CRYBG3: variants seen among roughly 807,000 people sequenced by gnomAD.
CRYBG3 encodes the protein very large A-kinase anchor protein.
In CRYBG3, 127 loss-of-function variants were observed where a neutral mutation model predicts 244.2. That is an observed-to-expected ratio of 0.52 (90% confidence interval 0.45 to 0.60). The LOEUF is 0.60. CRYBG3 is among the 20% of genes least tolerant of loss of function. CRYBG3 has a pLI of 0.00. For missense variants in CRYBG3, 3,325 were observed against 3,442.5 expected (o/e 0.97, Z 0.85); for synonymous variants, 1,132 against 1,195.8 (o/e 0.95, Z 1.10).
At position 97,895,199 on chromosome 3, in the gene CRYBG3, G is replaced by A. The variant is rs1380213961; in HGVS notation, c.7575-760G>A. On this transcript the variant is annotated intron_variant, in intron 11 of 21. Coordinates refer to ENST00000389622, the MANE Select transcript of CRYBG3 (RefSeq NM_153605.4). ...GTGTGGCTAAGGGCGGATTTGAGAA[G>A]GCCAACTTGTTTTATGAGCCATCTA... Among the ~76,000 whole-genome samples the A allele has an allele frequency of 5.9e-5, 9 of 152,178 alleles. No homozygotes were observed. The East Asian group carries it at 1.7e-3, about 29-fold the overall frequency.
intron 17 of CRYBG3, among the ~76,000 whole-genome samples, chr3:97,920,827 G>A (rs537815828): frequency 6.6e-6 from 1 of 152,250 alleles, no homozygotes; most frequent in South Asian, 2.1e-4. Flanking sequence ...ATCACACCCA[G>A]CCCCATGATA....
chr3:97,875,872 A>C lies in CRYBG3; in HGVS notation c.4678A>C (p.Lys1560Gln). The stretch of plus-strand genomic sequence containing the variant: ...AAAGGATGCTGAATTGAATATTCTG[A>C]AATATGAGGCAGTCCCTCCTATGAT... ...NKKDAELNIL[K>Q]YEAVPPMIEM... Residue 1560 changes from lysine (K) to glutamine (Q), a missense_variant, in exon 4 of 22, where the codon AAA (lysine) becomes CAA (glutamine). Lys to Gln is a moderately conservative substitution (Grantham distance 53). This residue lies in a region of CRYBG3 where 635 missense variants were observed against 771.7 expected (regional missense o/e 0.82). Coordinates refer to ENST00000389622, the MANE Select transcript of CRYBG3 (RefSeq NM_153605.4). The C allele has an allele frequency of 8.1e-7, 1 of 1,232,044 alleles. No homozygotes were observed. Among genetic ancestry groups the C allele is most frequent in the Non-Finnish European group, 1.0e-6 (1 of 987,910 alleles). The allele number at this position is 1,232,044 out of a possible 1,614,324, so 76.3% of individuals were successfully genotyped here.
chr3:97,901,319 A>G (rs1228653400), intron 15 of CRYBG3, among the ~76,000 whole-genome samples: 2 of 152,188 alleles, frequency 1.3e-5, no homozygotes, highest in Non-Finnish European at 2.9e-5. Flanking sequence ...CAAATATAGT[A>G]ATTACTTTTA....
At chr3:97,849,524 G>A (rs1274649370) in intron 2 of CRYBG3, among the ~76,000 whole-genome samples, 1 of 152,160 alleles carries the variant, frequency 6.6e-6, no homozygotes, top group Non-Finnish European at 1.5e-5. Flanking sequence ...CAAATGGACT[G>A]TCAGGGCTTA....
Position 97,880,475 on chromosome 3 carries a change from ATAGT to A in CRYBG3, c.7004+378_7004+381del, listed in dbSNP as rs201405362. Among the ~76,000 whole-genome samples, 3 of 152,348 alleles carry A rather than the reference ATAGT, an allele frequency of 2.0e-5. No individual in the cohort carries two copies. In the East Asian group the frequency reaches 5.8e-4, roughly 29 times the overall value. On this transcript the variant is annotated intron_variant, in intron 6 of 21. Coordinates refer to ENST00000389622, the MANE Select transcript of CRYBG3 (RefSeq NM_153605.4). ...GGATGCTGAGGAATGTGAAGGCCACATAGTTAAAGTTGTTTGTATAGCTGACTTG... is the reference window on the plus strand; with the variant it reads ...GGATGCTGAGGAATGTGAAGGCCACATAAAGTTGTTTGTATAGCTGACTTG...
At chr3:97,858,902 A>G (rs750965263) in intron 2 of CRYBG3, among the ~76,000 whole-genome samples, 6 of 152,118 alleles carry the variant, frequency 3.9e-5, no homozygotes, top group African/African-American at 7.2e-5. Context: ...GTATTCCTAC[A>G]TTGTTACTTA....
chr3:97,860,220 TAACA>T (rs769274311), intron 2 of CRYBG3, among the ~76,000 whole-genome samples: 4 of 152,292 alleles, frequency 2.6e-5, no homozygotes, highest in South Asian at 2.1e-4. Context: ...TTTATTACTC[TAACA>T]AACATTTGAG....
intron 10 of CRYBG3, among the ~76,000 whole-genome samples, chr3:97,891,900 A>G (rs1052783754): frequency 1.3e-5 from 2 of 152,174 alleles, no homozygotes; most frequent in East Asian, 3.8e-4. Flanking sequence ...ACACTTTCAT[A>G]ATAAACAGAT....
rs551467915 is a variant in CRYBG3 at position 97,877,099 on chromosome 3, G to A, written c.5905G>A (p.Ala1969Thr). Residue 1969 changes from alanine to threonine, a missense_variant, in exon 4 of 22, where the codon GCA (alanine) becomes ACA (threonine). Ala to Thr is a moderately conservative substitution (Grantham distance 58, BLOSUM62 0). Around this residue, in one of 4 missense-constraint regions of CRYBG3, gnomAD observed 450 missense variants for 424.1 expected, o/e 1.06. Transcript: ENST00000389622. ...ACTAGACAAAAGAATGTCTCTTACTGCAATATATGACAAGAGGAGAGAGAC... is the reference window on the plus strand; with the variant it reads ...ACTAGACAAAAGAATGTCTCTTACTACAATATATGACAAGAGGAGAGAGAC... ...VRLDKRMSLT[A>T]IYDKRRETDY... 1 of 1,612,824 alleles carries A rather than the reference G, an allele frequency of 6.2e-7. No individual in the cohort carries two copies. The highest frequency in any genetic ancestry group is 8.5e-7 in the Non-Finnish European group (1 of 1,179,302).
At position 97,844,202 on chromosome 3, in the gene CRYBG3, A is replaced by G. The variant is rs1387070722; in HGVS notation, c.216+941A>G. Among the ~76,000 whole-genome samples the G allele has an allele frequency of 2.0e-5, 3 of 152,168 alleles. No homozygotes were observed. The South Asian group carries it at 6.2e-4, about 32-fold the overall frequency. ...TACTTATTGAAAGGAAAAAATGAAG[A>G]TCACCTTGCTTTCCTTTCTTCACTC... On this transcript the variant is annotated intron_variant, in intron 2 of 21. Transcript: ENST00000389622.
Position 97,943,474 on chromosome 3 carries a change from A to C in CRYBG3, c.*160A>C. On this transcript the variant is annotated 3_prime_UTR_variant, in exon 22 of 22. Coordinates refer to ENST00000389622, the MANE Select transcript of CRYBG3 (RefSeq NM_153605.4). ...GCCTCTGAGACTATCGCTCTTAACC[A>C]TGGAAAAGCTCAAAATATTCTTGCC... 1 of 583,032 alleles carries C rather than the reference A, an allele frequency of 1.7e-6. No individual in the cohort carries two copies. The highest frequency in any genetic ancestry group is 3.0e-6 in the Non-Finnish European group (1 of 335,186). 36.1% of individuals were successfully genotyped at this position (583,032 alleles called of 1,614,324 possible).
In CRYBG3 at chr3:97,881,130, G is replaced by A; in HGVS notation, c.7063G>A (p.Glu2355Lys). ...TCAGAAATGTGTGCTAGAAGAAGGG[G>A]AAAAGGTGTTAAATCGTGACTGGAT... ...RGQKCVLEEGEKVLNRDWILQ... is the reference protein window; with the variant it reads ...RGQKCVLEEGKKVLNRDWILQ... The change falls in exon 7 of 22, where the codon GAA (glutamate) becomes AAA (lysine). Residue 2355 changes from glutamate to lysine, a missense_variant. Physicochemically the swap from Glu to Lys is moderately conservative, Grantham distance 56 (BLOSUM62 1). Around this residue, in one of 4 missense-constraint regions of CRYBG3, gnomAD observed 714 missense variants for 803.6 expected, o/e 0.89. Transcript: ENST00000389622. 8 of 1,612,070 alleles carry A rather than the reference G, an allele frequency of 5.0e-6. No individual in the cohort carries two copies. The highest frequency in any genetic ancestry group is 6.8e-6 in the Non-Finnish European group (8 of 1,178,944).
chr3:97,931,979 C>T (rs775584268), intron 17 of CRYBG3, among the ~76,000 whole-genome samples: 8 of 151,970 alleles, frequency 5.3e-5, no homozygotes, highest in Admixed American at 2.0e-4. Flanking sequence ...ACAATGCCAA[C>T]GTGTAATAAT....
intron 1 of CRYBG3, among the ~76,000 whole-genome samples, chr3:97,834,823 C>T (rs73138827): frequency 0.034 from 5,242 of 152,210 alleles, 116 homozygotes; most frequent in Non-Finnish European, 0.054. Context: ...TTTGCACTCA[C>T]TTGTTTTTGC....
chr3:97,919,304 T>C (rs1358656596), intron 17 of CRYBG3, among the ~76,000 whole-genome samples: 3 of 152,060 alleles, frequency 2.0e-5, no homozygotes, highest in Non-Finnish European at 2.9e-5. Context: ...CATCAGGTAA[T>C]TTAATATAGG....
rs1277248038 is a variant in CRYBG3, at chr3:97,874,680, G to A, written c.3486G>A (p.Ala1162=). The change falls in exon 4 of 22, where the codon GCG becomes GCA. Residue 1162 remains alanine, a synonymous_variant. Coordinates refer to ENST00000389622, the MANE Select transcript of CRYBG3 (RefSeq NM_153605.4). ...CTGGAGCAGTTGCTGGGCCTGCAGC[G>A]TCAGTTAACAGCTCAGGCCAACAGT... ...AETGAVAGPA[A]SVNSSGQQCS... is the part of the protein sequence containing the mutation. 6.5e-6 allele frequency: 10 copies of A among 1,535,868 alleles called. No homozygotes were observed. Among genetic ancestry groups the A allele is most frequent in the South Asian group, 6.0e-5 (5 of 84,028 alleles).
rs112706272 is a variant in CRYBG3, at chr3:97,873,804, T to C, written c.2610T>C (p.Pro870=). 2.0e-6 allele frequency: 3 copies of C among 1,532,746 alleles called. No homozygotes were observed. Among genetic ancestry groups the C allele is most frequent in the African/African-American group, 1.4e-5 (1 of 72,840 alleles). The allele number at this position is 1,532,746 out of a possible 1,614,324, so 94.9% of individuals were successfully genotyped here. A position where few individuals can be genotyped will look rare whatever the true frequency, so the allele number is the denominator to read the frequency against. Residue 870 remains proline (P), a synonymous_variant, in exon 4 of 22, where the codon CCT becomes CCC. Transcript: ENST00000389622. ...AAATTACCCATGTTCCAGAAAAGCCTATTTTGTCAGAATTAACCTTTCTAG... is the reference window on the plus strand; with the variant it reads ...AAATTACCCATGTTCCAGAAAAGCCCATTTTGTCAGAATTAACCTTTCTAG... ...PLKITHVPEK[P]ILSELTFLEV... is the part of the protein sequence containing the mutation.
chr3:97,875,402 A>T lies in CRYBG3; in HGVS notation c.4208A>T (p.Lys1403Ile). The change falls in exon 4 of 22, where the codon AAA becomes ATA. Residue 1403 changes from lysine to isoleucine, a missense_variant. Transcript: ENST00000389622. ...IKGGEIVLYQ[K>I]SLFSGNGSGL... Reference sequence around the variant, plus strand: ...GGAGGAGAAATTGTTCTCTACCAAAAATCCCTATTTTCTGGAAATGGATCT... The same window carrying T: ...GGAGGAGAAATTGTTCTCTACCAAATATCCCTATTTTCTGGAAATGGATCT... The T allele has an allele frequency of 7.1e-7, 1 of 1,408,732 alleles. No homozygotes were observed. The highest frequency in any genetic ancestry group is 9.2e-7 in the Non-Finnish European group (1 of 1,089,690). The allele number at this position is 1,408,732 out of a possible 1,614,324, so 87.3% of individuals were successfully genotyped here. A position where few individuals can be genotyped will look rare whatever the true frequency, so the allele number is the denominator to read the frequency against.
Position 97,822,307 on chromosome 3 carries a change from A to G in CRYBG3, c.101A>G (p.Glu34Gly). ...CGGGACAAGGAAGAGGAAGAGGAGG[A>G]GAGGCCGGGGACGAGCCCGCCTCCA... is the stretch of plus-strand genomic sequence containing the variant. ...PSRDKEEEEE[E>G]RPGTSPPPAP... Residue 34 changes from glutamate (E) to glycine (G), a missense_variant, in exon 1 of 22, where the codon GAG becomes GGG. Transcript: ENST00000389622. 1 of 1,525,492 alleles carries G rather than the reference A, an allele frequency of 6.6e-7. No homozygotes were observed. 94.5% of individuals were successfully genotyped at this position (1,525,492 alleles called of 1,614,324 possible). A position where few individuals can be genotyped will look rare whatever the true frequency, so the allele number is the denominator to read the frequency against.
Sources: gnomAD v4.1 joint callset for allele counts (sites outside exome capture counted in the v4.1 genomes callset) on GRCh38, gnomAD v4.1.1 for gene constraint, gnomAD v4.1.1 regional missense constraint, MANE v1.5 for transcripts, NCBI Gene and HGNC (gene_info 2026-07-23, HGNC 2026-07-21) for gene names.